Variants in MGAT4C observed in about 807,000 individuals in gnomAD.
MGAT4C encodes alpha-1,3-mannosyl-glycoprotein 4-beta-N-acetylglucosaminyltransferase C.
MGAT4C carries 19 observed loss-of-function variants against 40.1 expected under a neutral mutation model. That is an observed-to-expected ratio of 0.47 (90% CI 0.33 to 0.70). The LOEUF is 0.70. Among genes scored for constraint, MGAT4C ranks in the 30% least tolerant of loss-of-function variants. The pLI, the probability that MGAT4C is intolerant of heterozygous loss-of-function variation, is 0.02. For missense variants in MGAT4C, 491 were observed against 563.2 expected, an observed-to-expected ratio of 0.87 and a Z score of 1.30; for synonymous variants, 181 against 187.1, an observed-to-expected ratio of 0.97 and a Z score of 0.27.
At position 86,300,859 on chromosome 12, in the gene MGAT4C, A is replaced by G. The variant is rs150464676; in HGVS notation, c.-57+33206T>C. Reference sequence around the variant, plus strand: ...ACTGAGAGATAAAAAGTTATGTTAGATATGATCCTCGATTAGGAGTATTTA... The same window carrying G: ...ACTGAGAGATAAAAAGTTATGTTAGGTATGATCCTCGATTAGGAGTATTTA... On this transcript the variant is annotated intron_variant, in intron 4 of 7. Coordinates refer to the MGAT4C transcript ENST00000548651. Among the ~76,000 whole-genome samples the G allele has an allele frequency of 8.6e-3, 1,314 of 152,180 alleles. 17 individuals carry two copies. The highest frequency in any genetic ancestry group is 0.031 in the South Asian group (151 of 4,826).
At chr12:86,275,646 G>A (rs2136111932) in intron 4 of MGAT4C, among the ~76,000 whole-genome samples, 1 of 152,248 alleles carries the variant, frequency 6.6e-6, no homozygotes, top group East Asian at 1.9e-4. Flanking sequence ...GTCAGAGAAG[G>A]AGATTTGAGG....
intron 1 of MGAT4C, among the ~76,000 whole-genome samples, chr12:86,777,529 C>T (rs999006715): frequency 1.3e-5 from 2 of 152,116 alleles, no homozygotes; most frequent in African/African-American, 4.8e-5. Flanking sequence ...GTTGGCAATA[C>T]TAAATTAGAG....
chr12:86,291,147 A>T (rs1206691306), intron 4 of MGAT4C, among the ~76,000 whole-genome samples: 7 of 152,210 alleles, frequency 4.6e-5, no homozygotes, highest in Admixed American at 4.6e-4. Context: ...TAGCAAAGAA[A>T]TGAAACATAG....
At chr12:86,100,777 A>C (rs1182024325) in intron 1 of MGAT4C, among the ~76,000 whole-genome samples, 1 of 151,554 alleles carries the variant, frequency 6.6e-6, no homozygotes, top group Non-Finnish European at 1.5e-5. Context: ...TGGTCAAATA[A>C]AATTTTGGAT....
chr12:85,980,562 G>T, intron 4 of MGAT4C, 132 bp from the exon 5 acceptor site: 1 of 731,664 alleles, frequency 1.4e-6, no homozygotes, highest in Non-Finnish European at 2.1e-6. Flanking sequence ...ACTATGCACA[G>T]AACATTTTAT....
rs959730617 is a variant in MGAT4C at position 85,959,720 on chromosome 12, T to A, written c.*19569A>T. 5 of 151,372 alleles carry A rather than the reference T, an allele frequency of 3.3e-5. No homozygotes were observed. The highest frequency in any genetic ancestry group is 9.7e-5 in the African/African-American group (4 of 41,414). 9.4% of individuals were successfully genotyped at this position (151,372 alleles called of 1,614,324 possible). Reference sequence around the variant, plus strand: ...CTTTTTTCTGCTTTTTTTTTTTTTTTATTTTCTGCTTGCTGAAATCGAGAT... The same window carrying A: ...CTTTTTTCTGCTTTTTTTTTTTTTTAATTTTCTGCTTGCTGAAATCGAGAT... On this transcript the variant is annotated 3_prime_UTR_variant, in exon 5 of 5. Coordinates refer to ENST00000611864, the MANE Select transcript of MGAT4C (RefSeq NM_001351288.2).
rs559109745 is a variant in MGAT4C at position 86,438,750 on chromosome 12, C to G, written c.-228-3485G>C. Among the ~76,000 whole-genome samples, 152 of 151,664 alleles carry G rather than the reference C, an allele frequency of 1.0e-3. 3 individuals carry two copies. The Middle Eastern group carries it at 0.031, about 31-fold the overall frequency. ...ACACACACCTAACCATGTAAGGATT[C>G]CTATAGACTCAAGCTAAAGGGATAG... is the stretch of plus-strand genomic sequence containing the variant. On this transcript the variant is annotated intron_variant, in intron 2 of 7. Coordinates refer to the MGAT4C transcript ENST00000548651.
At chr12:86,712,778 T>C (rs112909159) in intron 2 of MGAT4C, among the ~76,000 whole-genome samples, 1 of 152,066 alleles carries the variant, frequency 6.6e-6, no homozygotes. Flanking sequence ...AGTTCACACA[T>C]AAAAGGTAGC....
chr12:86,421,757 A>G (rs1368228991), intron 3 of MGAT4C, among the ~76,000 whole-genome samples: 3 of 152,208 alleles, frequency 2.0e-5, no homozygotes, highest in Non-Finnish European at 4.4e-5. Context: ...AGCCTGGGCG[A>G]CAAGAGAGAG....
chr12:86,262,548 A>G (rs1457037060), intron 4 of MGAT4C, among the ~76,000 whole-genome samples: 1 of 152,040 alleles, frequency 6.6e-6, no homozygotes, highest in Non-Finnish European at 1.5e-5. Flanking sequence ...CAATAGATTT[A>G]CTTCTGTGAC....
chr12:86,739,240 C>G (rs552379720), intron 1 of MGAT4C, among the ~76,000 whole-genome samples: 1 of 143,736 alleles, frequency 7.0e-6, no homozygotes, highest in Non-Finnish European at 1.5e-5. Flanking sequence ...TAAGTCAAAG[C>G]AAACATTTTT....
intron 1 of MGAT4C, among the ~76,000 whole-genome samples, chr12:86,734,131 GT>G (rs1950950976): frequency 6.6e-6 from 1 of 151,970 alleles, no homozygotes; most frequent in African/African-American, 2.4e-5. Flanking sequence ...AGTTGAGAAA[GT>G]TTAAGTTGCC....
intron 1 of MGAT4C, among the ~76,000 whole-genome samples, chr12:86,731,709 G>C (rs1177301632): frequency 6.6e-6 from 1 of 151,896 alleles, no homozygotes; most frequent in Non-Finnish European, 1.5e-5. Flanking sequence ...ATTGCTTGTA[G>C]TGACTGAAGA....
intron 2 of MGAT4C, among the ~76,000 whole-genome samples, chr12:86,507,267 C>G (rs531468564): frequency 6.6e-6 from 1 of 152,160 alleles, no homozygotes; most frequent in Non-Finnish European, 1.5e-5. Context: ...TATTATTCAT[C>G]TAATATCCAC....
intron 2 of MGAT4C, among the ~76,000 whole-genome samples, chr12:86,667,270 A>C (rs1484103203): frequency 6.6e-6 from 1 of 152,210 alleles, no homozygotes; most frequent in Non-Finnish European, 1.5e-5. Flanking sequence ...GTAGGAGAAG[A>C]GGATTTGGAA....
rs1354685979 is a variant in MGAT4C at position 86,203,041 on chromosome 12, TG to T, written c.-57+53197del. ...GTGTGTGTGTGTGTGTGTGTGTGTG[TG>T]TGTGTGTGTGTGTTTTTACATAGCT... On this transcript the variant is annotated intron_variant, in intron 1 of 4. Coordinates refer to ENST00000611864, the MANE Select transcript of MGAT4C (RefSeq NM_001351288.2). Among the ~76,000 whole-genome samples, 8 of 151,848 alleles carry T rather than the reference TG, an allele frequency of 5.3e-5. No individual in the cohort carries two copies. The East Asian group carries it at 1.6e-3, about 29-fold the overall frequency.
At chr12:86,448,548 G>C (rs1235924161) in intron 2 of MGAT4C, among the ~76,000 whole-genome samples, 1 of 152,122 alleles carries the variant, frequency 6.6e-6, no homozygotes, top group Non-Finnish European at 1.5e-5. Context: ...GGAAAGTAAA[G>C]CTATGAGAGC....
Position 85,963,922 on chromosome 12 carries a change from G to C in MGAT4C, c.*15367C>G, listed in dbSNP as rs976791789. ...AAGAGTAAGCAACAGGATACTTCAAGAGTAAAATGGGAAAAAATCATATTG... is the reference window on the plus strand; with the variant it reads ...AAGAGTAAGCAACAGGATACTTCAACAGTAAAATGGGAAAAAATCATATTG... On this transcript the variant is annotated 3_prime_UTR_variant, in exon 5 of 5. Transcript: ENST00000611864. The C allele has an allele frequency of 6.6e-6, 1 of 151,976 alleles. No homozygotes were observed. The highest frequency in any genetic ancestry group is 1.5e-5 in the Non-Finnish European group (1 of 67,910). 9.4% of individuals were successfully genotyped at this position (151,976 alleles called of 1,614,324 possible).
chr12:86,646,042 G>T (rs1963534243), intron 2 of MGAT4C, among the ~76,000 whole-genome samples: 1 of 151,790 alleles, frequency 6.6e-6, no homozygotes, highest in Non-Finnish European at 1.5e-5. Flanking sequence ...AAGCAAGACT[G>T]AAGGAGGAAA....
Sources: allele counts gnomAD v4.1 joint callset (sites outside exome capture counted in the v4.1 genomes callset), GRCh38; gene constraint gnomAD v4.1.1; transcripts MANE v1.5; gene names NCBI Gene and HGNC (gene_info 2026-07-23, HGNC 2026-07-21).